RANBP10: variants seen among roughly 807,000 people sequenced by gnomAD.
RANBP10 encodes RAN binding protein 10.
Under a neutral mutation model 72.8 loss-of-function variants are expected in RANBP10, and 24 were observed. The ratio of observed to expected loss-of-function variants is 0.33; its 90% confidence interval spans 0.24 to 0.46. RANBP10 has a LOEUF of 0.46. RANBP10 is among the 20% of genes least tolerant of loss of function. RANBP10 has a pLI of 1.00. For synonymous variants in RANBP10, 310 were observed against 322.3 expected (o/e 0.96, Z 0.41); for missense variants, 679 against 817.5 (o/e 0.83, Z 2.07).
intron 1 of RANBP10, 83 bp downstream of exon 1, chr16:67,806,219 G>C: frequency 7.7e-7 from 1 of 1,305,250 alleles, no homozygotes; most frequent in Non-Finnish European, 1.1e-6. Context: ...CAGGGAAAGG[G>C]AGGTGATAGG....
At chr16:67,786,362 G>A (rs1185183617) in intron 2 of RANBP10, among the ~76,000 whole-genome samples, 2 of 152,012 alleles carry the variant, frequency 1.3e-5, no homozygotes, top group African/African-American at 4.8e-5. Flanking sequence ...AAATAAGAGA[G>A]TGAAAAGACA....
intron 3 of RANBP10, among the ~76,000 whole-genome samples, chr16:67,753,057 T>C (rs140083896): frequency 5.4e-4 from 82 of 151,204 alleles, no homozygotes; most frequent in African/African-American, 1.8e-3. Flanking sequence ...CTGGGCAACA[T>C]GGTGAGACCC....
chr16:67,739,999 GTCTT>G (rs1283650997), intron 4 of RANBP10: 1 of 151,358 alleles, frequency 6.6e-6, no homozygotes, highest in Non-Finnish European at 1.5e-5. Flanking sequence ...TTTAGATAAA[GTCTT>G]TTTTTTTTTT....
At chr16:67,805,319 TG>T in intron 2 of RANBP10, 108 bp downstream of exon 2, 1 of 919,592 alleles carries the variant, frequency 1.1e-6, no homozygotes, top group East Asian at 2.6e-5. Context: ...CCCAGACCCA[TG>T]CGGCTCCCCA....
intron 4 of RANBP10, among the ~76,000 whole-genome samples, chr16:67,740,383 C>A (rs980868163): frequency 6.6e-6 from 1 of 152,032 alleles, no homozygotes. Flanking sequence ...GGATTACAGT[C>A]GTGAGCCATC....
intron 2 of RANBP10, among the ~76,000 whole-genome samples, chr16:67,773,144 T>C (rs2054637907): frequency 6.6e-6 from 1 of 152,186 alleles, no homozygotes; most frequent in East Asian, 1.9e-4. Context: ...GTTAAGATCA[T>C]GGGGATAGAT....
chr16:67,737,272 C>T (rs967786707), intron 5 of RANBP10, among the ~76,000 whole-genome samples: 10 of 141,434 alleles, frequency 7.1e-5, no homozygotes, highest in African/African-American at 2.5e-4. Context: ...GCGATCTCAG[C>T]TCACTGCAAA....
intron 4 of RANBP10, among the ~76,000 whole-genome samples, chr16:67,740,794 G>A (rs1195273391): frequency 2.0e-5 from 3 of 152,194 alleles, no homozygotes; most frequent in South Asian, 2.1e-4. Context: ...ACTGAGGGAC[G>A]CTCATAAGCC....
In RANBP10 at chr16:67,727,414, A is replaced by C; in HGVS notation, c.1645T>G (p.Ser549Ala). Residue 549 changes from serine (S) to alanine (A), a missense_variant, in exon 13 of 14, where the codon TCA becomes GCA. Physicochemically the swap from Ser to Ala is moderately conservative, Grantham distance 99. Coordinates refer to ENST00000317506, the MANE Select transcript of RANBP10 (RefSeq NM_020850.3). Reference protein sequence around the residue: ...LQDAFSLLAYSDPWSCPVGQQ... With the variant: ...LQDAFSLLAYADPWSCPVGQQ... ...CCAACTGGGCAGCTCCAGGGGTCTGAGTATGCCAGCAGGCTGAAGGCATCC... is the reference window on the plus strand; with the variant it reads ...CCAACTGGGCAGCTCCAGGGGTCTGCGTATGCCAGCAGGCTGAAGGCATCC... 4 of 1,613,880 alleles carry C rather than the reference A, an allele frequency of 2.5e-6. No individual in the cohort carries two copies. The highest frequency in any genetic ancestry group is 1.1e-5 in the South Asian group (1 of 91,048).
At chr16:67,779,790 G>A (rs1403527872) in intron 2 of RANBP10, among the ~76,000 whole-genome samples, 1 of 152,182 alleles carries the variant, frequency 6.6e-6, no homozygotes, top group Non-Finnish European at 1.5e-5. Context: ...CTCAATCCTT[G>A]CCCTCCAACA....
At position 67,726,481 on chromosome 16, in the gene RANBP10, G is replaced by C. The variant is rs771164092; in HGVS notation, c.1810C>G (p.Arg604Gly). ...QASECLRLMA[R>G]AGLGSCSFAR... ...AAGGAGCAAGAACCCAGGCCTGCTCGGGCCATGAGCCGGAGACACTCAGAT... is the reference window on the plus strand; with the variant it reads ...AAGGAGCAAGAACCCAGGCCTGCTCCGGCCATGAGCCGGAGACACTCAGAT... Residue 604 changes from arginine (R) to glycine (G), a missense_variant, in exon 14 of 14, where the codon CGA (arginine) becomes GGA (glycine). Arg to Gly is a moderately radical substitution (Grantham distance 125). Coordinates refer to ENST00000317506, the MANE Select transcript of RANBP10 (RefSeq NM_020850.3). The C allele has an allele frequency of 5.0e-6, 8 of 1,604,000 alleles. No homozygotes were observed. The highest frequency in any genetic ancestry group is 6.0e-6 in the Non-Finnish European group (7 of 1,175,224).
intron 2 of RANBP10, among the ~76,000 whole-genome samples, chr16:67,797,579 G>C (rs1217693993): frequency 1.3e-5 from 2 of 152,236 alleles, no homozygotes; most frequent in Non-Finnish European, 2.9e-5. Context: ...GGAGGCTGAG[G>C]TGGGCAGATC....
At chr16:67,736,863 T>C (rs1026323500) in intron 5 of RANBP10, among the ~76,000 whole-genome samples, 1 of 152,178 alleles carries the variant, frequency 6.6e-6, no homozygotes, top group South Asian at 2.1e-4. Context: ...CTGGGTGCTA[T>C]GGTCTGGGCT....
intron 2 of RANBP10, among the ~76,000 whole-genome samples, chr16:67,774,030 A>T: frequency 6.6e-6 from 1 of 152,250 alleles, no homozygotes; most frequent in East Asian, 1.9e-4. Flanking sequence ...CCAAATAATC[A>T]GCTTCCTGAC....
At chr16:67,732,833 G>C (rs922377194) in intron 6 of RANBP10, among the ~76,000 whole-genome samples, 2 of 149,318 alleles carry the variant, frequency 1.3e-5, no homozygotes, top group African/African-American at 4.9e-5. Context: ...GGATCACAAG[G>C]TCAGGAGATC....
At chr16:67,775,931 G>A (rs2054696912) in intron 2 of RANBP10, among the ~76,000 whole-genome samples, 1 of 150,888 alleles carries the variant, frequency 6.6e-6, no homozygotes, top group African/African-American at 2.4e-5. Flanking sequence ...GGATCACAAG[G>A]TCAGGAGATC....
At chr16:67,768,108 G>A (rs1202382478) in intron 3 of RANBP10, among the ~76,000 whole-genome samples, 1 of 151,330 alleles carries the variant, frequency 6.6e-6, no homozygotes, top group Non-Finnish European at 1.5e-5. Flanking sequence ...AAGAACATAC[G>A]GCTAGGCATG....
intron 6 of RANBP10, among the ~76,000 whole-genome samples, chr16:67,734,179 G>A (rs1032541093): frequency 6.6e-6 from 1 of 152,236 alleles, no homozygotes; most frequent in Non-Finnish European, 1.5e-5. Flanking sequence ...ACCACAGGCA[G>A]TGGAAGCCCA....
chr16:67,736,528 G>A (rs2053851367), intron 5 of RANBP10, among the ~76,000 whole-genome samples: 1 of 152,128 alleles, frequency 6.6e-6, no homozygotes, highest in African/African-American at 2.4e-5. Flanking sequence ...AGCCCACCAT[G>A]GGCTCTGCAC....
Sources: allele counts gnomAD v4.1 joint callset (sites outside exome capture counted in the v4.1 genomes callset), GRCh38; gene constraint gnomAD v4.1.1; transcripts MANE v1.5; gene names NCBI Gene and HGNC (gene_info 2026-07-23, HGNC 2026-07-21).